PCLO: variants seen among roughly 807,000 people sequenced by gnomAD.
PCLO encodes piccolo presynaptic cytomatrix protein, also known as protein piccolo.
Under a neutral mutation model 427.5 loss-of-function variants are expected in PCLO, and 82 were observed. The ratio of observed to expected loss-of-function variants is 0.19; its 90% confidence interval spans 0.16 to 0.23. The LOEUF (loss-of-function observed/expected upper bound fraction) is 0.23, where lower values mean the gene tolerates loss of function less well. Among genes scored for constraint, PCLO ranks in the 10% least tolerant of loss-of-function variants. The probability of loss-of-function intolerance (pLI) is 1.00; values close to 1 mark genes in which losing one functional copy is unlikely to be tolerated. For missense variants in PCLO, 6,239 were observed against 6,115.9 expected, an observed-to-expected ratio of 1.02 and a Z score of -0.67; for synonymous variants, 2,357 against 2,155.4, an observed-to-expected ratio of 1.09 and a Z score of -2.59.
chr7:83,024,364 G>C (rs1788427517), intron 3 of PCLO, among the ~76,000 whole-genome samples: 1 of 152,134 alleles, frequency 6.6e-6, no homozygotes, highest in Non-Finnish European at 1.5e-5. Context: ...TGGAAAATCG[G>C]GTCACTCCCA....
At chr7:82,770,328 G>A (rs779770638) in intron 22 of PCLO, among the ~76,000 whole-genome samples, 7 of 151,812 alleles carry the variant, frequency 4.6e-5, no homozygotes, top group Non-Finnish European at 8.8e-5. Flanking sequence ...TTTGATATGT[G>A]TTTATAATAT....
rs773168560 is a variant in PCLO at position 82,953,518 on chromosome 7, A to T, written c.7435T>A (p.Cys2479Ser). Residue 2479 changes from cysteine to serine, a missense_variant, in exon 5 of 25, where the codon TGT (cysteine) becomes AGT (serine). Physicochemically the swap from Cys to Ser is moderately radical, Grantham distance 112 (BLOSUM62 -1). This residue lies in a region of PCLO where 4,677 missense variants were observed against 4,468.4 expected (regional missense o/e 1.05). Transcript: ENST00000333891. Reference sequence around the variant, plus strand: ...GGAACAGGAGGAGGTGCAGTAGTACATATTCTTGTAACAGGTAATCCATTA... The same window carrying T: ...GGAACAGGAGGAGGTGCAGTAGTACTTATTCTTGTAACAGGTAATCCATTA... ...RSNGLPVTRI[C>S]TTAPPPVPPK... 2.5e-6 allele frequency: 4 copies of T among 1,613,432 alleles called. No individual in the cohort carries two copies. The highest frequency in any genetic ancestry group is 2.5e-6 in the Non-Finnish European group (3 of 1,179,704).
At chr7:82,899,700 A>C (rs13224221) in intron 9 of PCLO, among the ~76,000 whole-genome samples, 24,156 of 151,526 alleles carry the variant, frequency 0.16, 2,549 homozygotes, top group Non-Finnish European at 0.23. Flanking sequence ...AGAAGAAATT[A>C]AATTTACTTT....
chr7:82,831,927 C>T (rs887722904), intron 16 of PCLO, among the ~76,000 whole-genome samples: 1 of 152,096 alleles, frequency 6.6e-6, no homozygotes, highest in Non-Finnish European at 1.5e-5. Context: ...CAATTTAAAA[C>T]TCTACACAAA....
intron 3 of PCLO, among the ~76,000 whole-genome samples, chr7:83,111,996 C>T (rs1791014865): frequency 6.6e-6 from 1 of 152,054 alleles, no homozygotes; most frequent in Admixed American, 6.6e-5. Context: ...TATAATTTCA[C>T]TGAGAGTGAC....
chr7:82,921,667 T>C (rs1186692878), intron 6 of PCLO, among the ~76,000 whole-genome samples: 1 of 151,986 alleles, frequency 6.6e-6, no homozygotes, highest in Non-Finnish European at 1.5e-5. Context: ...GGAAATGCAA[T>C]TCTGAACATA....
intron 10 of PCLO, among the ~76,000 whole-genome samples, chr7:82,853,492 T>G (rs1217899313): frequency 6.6e-6 from 1 of 152,148 alleles, no homozygotes; most frequent in African/African-American, 2.4e-5. Context: ...TGAATTTCCG[T>G]TTATTGAAAA....
intron 3 of PCLO, among the ~76,000 whole-genome samples, chr7:83,039,791 T>C (rs914803344): frequency 6.6e-6 from 1 of 152,156 alleles, no homozygotes; most frequent in East Asian, 1.9e-4. Flanking sequence ...TGGAGAGCAC[T>C]GTCATCTTAA....
chr7:82,983,884 A>C (rs1272259343), intron 3 of PCLO, among the ~76,000 whole-genome samples: 1 of 151,996 alleles, frequency 6.6e-6, no homozygotes, highest in African/African-American at 2.4e-5. Context: ...TTATCATCCT[A>C]GACTGAATAG....
In PCLO at chr7:82,831,165, T is replaced by C. The variant is rs139368654; in HGVS notation, c.14250-3199A>G. 1.2e-3 allele frequency among the ~76,000 whole-genome samples: 185 copies of C among 152,224 alleles called. 1 individual carries two copies. Among genetic ancestry groups the C allele is most frequent in the Admixed American group, 2.2e-3 (33 of 15,272 alleles). ...CATATTAACCCCATTATACAGGTATTACTTCTTACTCCATTTTATAGGTGA... is the reference window on the plus strand; with the variant it reads ...CATATTAACCCCATTATACAGGTATCACTTCTTACTCCATTTTATAGGTGA... On this transcript the variant is annotated intron_variant, in intron 16 of 24. Coordinates refer to ENST00000333891, the MANE Select transcript of PCLO (RefSeq NM_033026.6).
intron 2 of PCLO, among the ~76,000 whole-genome samples, chr7:83,153,540 AATC>A (rs1263147470): frequency 6.6e-6 from 1 of 152,144 alleles, no homozygotes; most frequent in Non-Finnish European, 1.5e-5. Context: ...GGGATATTTA[AATC>A]ATGTAATCCT....
intron 6 of PCLO, among the ~76,000 whole-genome samples, chr7:82,930,055 G>A (rs1794805167): frequency 6.6e-6 from 1 of 152,150 alleles, no homozygotes; most frequent in East Asian, 1.9e-4. Flanking sequence ...TATAATAAAA[G>A]CTTCTGTCTG....
intron 2 of PCLO, among the ~76,000 whole-genome samples, chr7:83,145,693 A>T (rs1307393061): frequency 2.0e-5 from 3 of 152,218 alleles, no homozygotes; most frequent in Admixed American, 6.5e-5. Flanking sequence ...TAGTGGTAAT[A>T]GTAATAACAC....
intron 7 of PCLO, 49 bp downstream of exon 7, chr7:82,914,637 T>TA: frequency 6.3e-7 from 1 of 1,575,348 alleles, no homozygotes. Context: ...TGCAGAAAAA[T>TA]AAGAGTTTGA....
intron 9 of PCLO, among the ~76,000 whole-genome samples, chr7:82,891,597 C>G (rs1354123066): frequency 6.6e-6 from 1 of 152,126 alleles, no homozygotes; most frequent in African/African-American, 2.4e-5. Context: ...TGACAGAGGG[C>G]ATCCCTGTCT....
chr7:82,961,686 TG>T (rs1309173635), intron 4 of PCLO, among the ~76,000 whole-genome samples: 1 of 152,202 alleles, frequency 6.6e-6, no homozygotes, highest in Non-Finnish European at 1.5e-5. Context: ...TCATGTCAGT[TG>T]GTCACATGGT....
At chr7:83,151,321 T>C (rs1308637275) in intron 2 of PCLO, among the ~76,000 whole-genome samples, 1 of 152,242 alleles carries the variant, frequency 6.6e-6, no homozygotes, top group African/African-American at 2.4e-5. Flanking sequence ...AAAAAGAATG[T>C]ACAATAAATT....
At position 83,155,396 on chromosome 7, in the gene PCLO, C is replaced by T. The variant is rs1271811254; in HGVS notation, c.1245G>A (p.Val415=). 1.2e-6 allele frequency: 2 copies of T among 1,612,908 alleles called. No homozygotes were observed. The highest frequency in any genetic ancestry group is 1.3e-5 in the African/African-American group (1 of 74,570). ...PGPAKPPTQQ[V]GTPKPLAQQP... ...GTTGAGCTAGGGGTTTTGGTGTCCC[C>T]ACCTGCTGGGTTGGAGGCTTTGCTG... Residue 415 remains valine (V), a synonymous_variant, in exon 2 of 25, where the codon GTG becomes GTA. Coordinates refer to ENST00000333891, the MANE Select transcript of PCLO (RefSeq NM_033026.6).
intron 22 of PCLO, among the ~76,000 whole-genome samples, chr7:82,798,035 C>A (rs1257376956): frequency 6.6e-6 from 1 of 151,992 alleles, no homozygotes; most frequent in Non-Finnish European, 1.5e-5. Flanking sequence ...ACATTCTGAA[C>A]CCCATAAAGC....
Sources: allele counts gnomAD v4.1 joint callset (sites outside exome capture counted in the v4.1 genomes callset), GRCh38; gene constraint gnomAD v4.1.1; regional missense constraint gnomAD v4.1.1; transcripts MANE v1.5; gene names NCBI Gene and HGNC (gene_info 2026-07-23, HGNC 2026-07-21).